Variants in VPS29 observed in about 807,000 individuals in gnomAD.
VPS29 encodes the protein VPS29 retromer complex component.
In VPS29, 2 loss-of-function variants were observed where a neutral mutation model predicts 20.0. The ratio of observed to expected loss-of-function variants is 0.10; its 90% CI spans 0.04 to 0.31. The LOEUF is 0.31. Among genes scored for constraint, VPS29 ranks in the 10% least tolerant of loss-of-function variants. The probability of loss-of-function intolerance (pLI) is 1.00; values close to 1 mark genes in which losing one functional copy is unlikely to be tolerated. For missense variants in VPS29, 120 were observed against 215.3 expected (o/e 0.56, Z 2.77); for synonymous variants, 81 against 79.3 (o/e 1.02, Z -0.12).
In VPS29 at chr12:110,501,391, G is replaced by A. The variant is rs539177428; in HGVS notation, c.3+658C>T. 126 of 1,535,178 alleles carry A rather than the reference G, an allele frequency of 8.2e-5. 1 individual carries two copies. In the South Asian group the frequency reaches 1.4e-3, roughly 17 times the overall value. ...AAAAATTTCCCAACAGTTTCAATGA[G>A]TTCACACATCATTAAGGAATCCTAC... On this transcript the variant is annotated intron_variant, in intron 1 of 3. Coordinates refer to ENST00000549578, the MANE Select transcript of VPS29 (RefSeq NM_016226.5).
At chr12:110,501,223 G>C (rs1015050275) in intron 1 of VPS29, among the ~76,000 whole-genome samples, 2 of 152,070 alleles carry the variant, frequency 1.3e-5, no homozygotes, top group Non-Finnish European at 2.9e-5. Context: ...GTCCTCTCTA[G>C]TAGAGGCCCC....
rs762505105 is a variant in VPS29 at position 110,502,087 on chromosome 12, C to T, written c.-36G>A. On this transcript the variant is annotated 5_prime_UTR_variant, in exon 1 of 4. Coordinates refer to ENST00000549578, the MANE Select transcript of VPS29 (RefSeq NM_016226.5). Reference sequence around the variant, plus strand: ...GGCTCCGCTCAGTCACCACCACCGTCGCCGCCCTCTTCCTCAGGCTCCTCG... The same window carrying T: ...GGCTCCGCTCAGTCACCACCACCGTTGCCGCCCTCTTCCTCAGGCTCCTCG... 5.6e-6 allele frequency: 9 copies of T among 1,604,596 alleles called. No homozygotes were observed. Among genetic ancestry groups the T allele is most frequent in the Non-Finnish European group, 7.7e-6 (9 of 1,174,946 alleles).
chr12:110,497,519 A>G (rs2062927893), intron 1 of VPS29, among the ~76,000 whole-genome samples: 2 of 151,886 alleles, frequency 1.3e-5, no homozygotes, highest in Non-Finnish European at 2.9e-5. Flanking sequence ...GCCTGGCCTA[A>G]TTTAAAAATT....
intron 1 of VPS29, chr12:110,498,947 A>G: frequency 1.6e-6 from 1 of 607,490 alleles, no homozygotes; most frequent in Non-Finnish European, 2.1e-6. Flanking sequence ...TAAAAGAAGA[A>G]GAAGAACAAC....
intron 1 of VPS29, chr12:110,501,375 C>G (rs1360981041): frequency 3.5e-5 from 53 of 1,534,710 alleles, no homozygotes; most frequent in Non-Finnish European, 4.1e-5. Context: ...CAAAAATTTC[C>G]CAACAGTTTC....
At chr12:110,500,548 C>G (rs2062993072) in intron 1 of VPS29, among the ~76,000 whole-genome samples, 1 of 152,178 alleles carries the variant, frequency 6.6e-6, no homozygotes, top group Admixed American at 6.5e-5. Flanking sequence ...CCATAAATCT[C>G]TGGCTGCCAT....
chr12:110,500,633 G>A (rs1195341811), intron 1 of VPS29, among the ~76,000 whole-genome samples: 1 of 152,054 alleles, frequency 6.6e-6, no homozygotes, highest in Non-Finnish European at 1.5e-5. Context: ...AGCTTCTTTG[G>A]TTTCCTTGTA....
At chr12:110,494,973 G>A (rs927767342) in intron 2 of VPS29, among the ~76,000 whole-genome samples, 2 of 151,928 alleles carry the variant, frequency 1.3e-5, no homozygotes, top group Non-Finnish European at 2.9e-5. Context: ...ACCCACCTAG[G>A]CCTCCCAAAG....
chr12:110,493,294 A>T lies in VPS29; in HGVS notation c.196-63T>A, dbSNP rs188468092. 1.1e-4 allele frequency: 132 copies of T among 1,226,998 alleles called. 1 individual carries two copies. The Middle Eastern group carries it at 1.5e-3, about 14-fold the overall frequency. 76.0% of individuals were successfully genotyped at this position (1,226,998 alleles called of 1,614,324 possible). On this transcript the variant is annotated intron_variant, in intron 2 of 3. Transcript: ENST00000549578. ...AGAGATACTGATGTTTAAAAAAATC[A>T]GTTTCCTTAAATATTCAATCTCCTA...
intron 1 of VPS29, chr12:110,501,454 C>T (rs1476885869): frequency 6.5e-7 from 1 of 1,535,468 alleles, no homozygotes; most frequent in East Asian, 2.4e-5. Flanking sequence ...AGAAACAGTT[C>T]CAGCAATTGC....
chr12:110,492,593 T>TCTTTA, intron 3 of VPS29, among the ~76,000 whole-genome samples: 1 of 145,660 alleles, frequency 6.9e-6, no homozygotes, highest in Middle Eastern at 3.5e-3. Flanking sequence ...GTCACATTTA[T>TCTTTA]TTTTATTTTA....
intron 1 of VPS29, chr12:110,501,343 C>T: frequency 1.3e-6 from 2 of 1,528,430 alleles, no homozygotes; most frequent in Non-Finnish European, 1.8e-6. Flanking sequence ...CGGCACTCTC[C>T]CCAGAAAAAT....
intron 1 of VPS29, chr12:110,496,841 C>T (rs1368786973): frequency 1.3e-5 from 2 of 152,226 alleles, no homozygotes; most frequent in African/African-American, 2.4e-5. Context: ...ATTAGGTGTA[C>T]GTTACAGAGA....
At chr12:110,493,362 AT>A (rs1174705851) in intron 2 of VPS29, 131 bp from the exon 3 acceptor site, 80,999 of 454,218 alleles carry the variant, frequency 0.18, 549 homozygotes, top group East Asian at 0.26. Context: ...ACATTTATAC[AT>A]TTTTTTTTTT....
chr12:110,500,138 T>C (rs1174609460), intron 1 of VPS29, among the ~76,000 whole-genome samples: 1 of 152,096 alleles, frequency 6.6e-6, no homozygotes, highest in Non-Finnish European at 1.5e-5. Flanking sequence ...CAACTAAAGG[T>C]GAAGACAAAA....
At chr12:110,496,340 A>C in intron 1 of VPS29, 137 bp from the exon 2 acceptor site, 1 of 720,936 alleles carries the variant, frequency 1.4e-6, no homozygotes, top group Middle Eastern at 3.8e-4. Flanking sequence ...TCCTATCATG[A>C]CTATTTATTT....
chr12:110,501,292 G>T (rs1170993928), intron 1 of VPS29: 1 of 1,276,494 alleles, frequency 7.8e-7, no homozygotes, highest in Non-Finnish European at 1.1e-6. Flanking sequence ...AGGGGTGATT[G>T]CTTGAAGGTG....
rs745498853 is a variant in VPS29, at chr12:110,493,109, A to G, written c.318T>C (p.Phe106=). 1 of 1,614,128 alleles carries G rather than the reference A, an allele frequency of 6.2e-7. No homozygotes were observed. The highest frequency in any genetic ancestry group is 1.3e-5 in the African/African-American group (1 of 75,058). Reference sequence around the variant, plus strand: ...GTCCCGAGATAAGAATGTCCACATCAAATTGCCTCTGCAACAGGGCTAAGC... The same window carrying G: ...GTCCCGAGATAAGAATGTCCACATCGAATTGCCTCTGCAACAGGGCTAAGC... ...MASLALLQRQ[F]DVDILISGHT... is the part of the protein sequence containing the mutation. Residue 106 remains phenylalanine (F), a synonymous_variant, in exon 3 of 4, where the codon TTT becomes TTC. Coordinates refer to ENST00000549578, the MANE Select transcript of VPS29 (RefSeq NM_016226.5).
intron 1 of VPS29, 178 bp downstream of exon 1, chr12:110,501,871 G>A (rs1199642137): frequency 5.5e-6 from 8 of 1,458,128 alleles, no homozygotes; most frequent in African/African-American, 1.4e-5. Flanking sequence ...GCACCCAGAG[G>A]TGGCCGCTCC....
Sources: allele counts gnomAD v4.1 joint callset (sites outside exome capture counted in the v4.1 genomes callset), GRCh38; gene constraint gnomAD v4.1.1; transcripts MANE v1.5; gene names NCBI Gene and HGNC (gene_info 2026-07-23, HGNC 2026-07-21).